Variants in DYNC1H1 observed in about 807,000 individuals in gnomAD.
DYNC1H1 encodes dynein cytoplasmic 1 heavy chain 1.
Under a neutral mutation model 527.1 loss-of-function variants are expected in DYNC1H1, and 51 were observed. The observed-to-expected ratio is 0.10, with a 90% confidence interval of 0.08 to 0.12. The LOEUF (loss-of-function observed/expected upper bound fraction) is 0.12, where lower values mean the gene tolerates loss of function less well. Ranked by LOEUF, DYNC1H1 falls within the 10% of genes least tolerant of loss-of-function variation. DYNC1H1 has a pLI of 1.00. For synonymous variants in DYNC1H1, 2,189 were observed against 2,278.8 expected (o/e 0.96, Z 1.12); for missense variants, 2,771 against 5,971.8 (o/e 0.46, Z 17.66).
At chr14:102,013,427 G>A (rs568765191) in intron 34 of DYNC1H1, among the ~76,000 whole-genome samples, 5 of 152,224 alleles carry the variant, frequency 3.3e-5, no homozygotes, top group African/African-American at 1.2e-4. Flanking sequence ...CGTAGTTTGA[G>A]CAGACACTTA....
At chr14:101,969,903 A>G (rs1186316903) in intron 1 of DYNC1H1, among the ~76,000 whole-genome samples, 1 of 152,254 alleles carries the variant, frequency 6.6e-6, no homozygotes, top group African/African-American at 2.4e-5. Flanking sequence ...GATTTAGCCC[A>G]GCCCTCATCT....
At position 102,011,596 on chromosome 14, in the gene DYNC1H1, T is replaced by C. The variant is rs1188611862; in HGVS notation, c.6619-279T>C. The C allele has an allele frequency of 2.2e-6, 1 of 446,014 alleles. No homozygotes were observed. The highest frequency in any genetic ancestry group is 4.6e-5 in the East Asian group (1 of 21,774). 27.6% of individuals were successfully genotyped at this position (446,014 alleles called of 1,614,324 possible). On this transcript the variant is annotated intron_variant, in intron 32 of 77. Coordinates refer to ENST00000360184, the MANE Select transcript of DYNC1H1 (RefSeq NM_001376.5). This position sits in a 1 kb window ranked among gnomAD's most constrained non-coding sequence, Gnocchi z 5.3. ...CATCTCTCCAGCTGGGGAGTTTCAG[T>C]ACTTGCCTTTAATAATCCATAGATA...
Position 102,012,211 on chromosome 14 carries a change from T to C in DYNC1H1, c.6857+98T>C. The C allele has an allele frequency of 6.2e-7, 1 of 1,612,030 alleles. No homozygotes were observed. Among genetic ancestry groups the C allele is most frequent in the Non-Finnish European group, 8.5e-7 (1 of 1,178,434 alleles). ...AGTATACGTTATTTTTCAACCAAAG[T>C]CTGAGCAAATTAAAGGTCATTTCAG... On this transcript the variant is annotated intron_variant, in intron 33 of 77. Coordinates refer to ENST00000360184, the MANE Select transcript of DYNC1H1 (RefSeq NM_001376.5). The surrounding 1 kb of genome is among the most constrained non-coding windows in gnomAD (Gnocchi z 4.9).
At position 102,033,564 on chromosome 14, in the gene DYNC1H1, C is replaced by T. The variant is rs2048534504; in HGVS notation, c.10413+80C>T. On this transcript the variant is annotated intron_variant, in intron 54 of 77. Coordinates refer to ENST00000360184, the MANE Select transcript of DYNC1H1 (RefSeq NM_001376.5). This position sits in a 1 kb window ranked among gnomAD's most constrained non-coding sequence, Gnocchi z 5.6. ...CACACTTCAACATGCGCTGCATGCA[C>T]CATGCTGGCCTCGGTGAATTCGCTC... is the stretch of plus-strand genomic sequence containing the variant. The T allele has an allele frequency of 3.9e-6, 6 of 1,553,228 alleles. No homozygotes were observed. In the African/African-American group the frequency reaches 6.8e-5, roughly 18 times the overall value.
chr14:102,047,693 T>G (rs1436470655), intron 72 of DYNC1H1, 124 bp from the exon 73 acceptor site: 1 of 917,748 alleles, frequency 1.1e-6, no homozygotes, highest in Non-Finnish European at 1.7e-6. Flanking sequence ...CTTCCAGATT[T>G]TGCTGCAGTT....
chr14:102,000,994 G>A lies in DYNC1H1; in HGVS notation c.4115G>A (p.Ser1372Asn). The change falls in exon 19 of 78, where the codon AGC (serine) becomes AAC (asparagine). Residue 1372 changes from serine to asparagine, a missense_variant. By Grantham distance (46) the Ser-to-Asn change is conservative. Transcript: ENST00000360184. ...GATGCCCTCCTGAACCAGCTGAAAA[G>A]CTTCCCTGCCCGGTTGCGACAGTAT... ...NLDALLNQLK[S>N]FPARLRQYAS... is the part of the protein sequence containing the mutation. The A allele has an allele frequency of 6.2e-7, 1 of 1,614,216 alleles. No homozygotes were observed. The highest frequency in any genetic ancestry group is 8.5e-7 in the Non-Finnish European group (1 of 1,180,044).
chr14:101,981,912 A>G (rs1384455266), intron 5 of DYNC1H1, among the ~76,000 whole-genome samples: 1 of 152,226 alleles, frequency 6.6e-6, no homozygotes, highest in Non-Finnish European at 1.5e-5. Context: ...GTTTTCAAGG[A>G]TAAAATTTTA....
intron 9 of DYNC1H1, 95 bp from the exon 10 acceptor site, chr14:101,988,608 T>C: frequency 1.3e-6 from 2 of 1,530,188 alleles, no homozygotes; most frequent in East Asian, 4.5e-5. Context: ...GAACTGTGTA[T>C]CTTTTATCTG....
At position 102,038,624 on chromosome 14, in the gene DYNC1H1, T is replaced by TC. The variant is rs777865098; in HGVS notation, c.11055+22dup. Reference sequence around the variant, plus strand: ...ATCCAACTGTAAGGAATGGGACCCTTCCCCAGGGAAATCTGGCAGGATGTG... The same window carrying TC: ...ATCCAACTGTAAGGAATGGGACCCTTCCCCCAGGGAAATCTGGCAGGATGTG... On this transcript the variant is annotated intron_variant, in intron 58 of 77. Transcript: ENST00000360184. This position sits in a 1 kb window ranked among gnomAD's most constrained non-coding sequence, Gnocchi z 7.2. The TC allele has an allele frequency of 6.7e-5, 108 of 1,614,194 alleles. 1 individual carries two copies. The South Asian group carries it at 1.2e-3, about 18-fold the overall frequency.
At chr14:102,019,844 T>C (rs752220511) in intron 41 of DYNC1H1, 49 bp from the exon 42 acceptor site, 1 of 1,611,434 alleles carries the variant, frequency 6.2e-7, no homozygotes, top group Non-Finnish European at 8.5e-7. Flanking sequence ...ACCACTTCTC[T>C]GTGTCTTAAG....
At chr14:101,980,091 C>T in intron 4 of DYNC1H1, 117 bp downstream of exon 4, 1 of 1,490,874 alleles carries the variant, frequency 6.7e-7, no homozygotes, top group East Asian at 2.4e-5. Context: ...GTGGTGCCGC[C>T]TCTTGGTCCT....
At chr14:102,009,771 G>C (rs2048237670) in intron 29 of DYNC1H1, 72 bp from the exon 30 acceptor site, 1 of 1,609,944 alleles carries the variant, frequency 6.2e-7, no homozygotes. Context: ...TGTTGTTTTA[G>C]AGACATTTTA....
Position 102,041,669 on chromosome 14 carries a change from C to T in DYNC1H1, c.12037C>T (p.Leu4013Phe), listed in dbSNP as rs756653612. The T allele has an allele frequency of 6.2e-7, 1 of 1,614,210 alleles. No individual in the cohort carries two copies. ...GGCCCACATGTTTGTTTCAACAAACCTTGGGGAGTCTTTCATGTCCATCAT... is the reference window on the plus strand; with the variant it reads ...GGCCCACATGTTTGTTTCAACAAACTTTGGGGAGTCTTTCATGTCCATCAT... ...AMAHMFVSTN[L>F]GESFMSIMEQ... The change falls in exon 65 of 78, where the codon CTT becomes TTT. Residue 4013 changes from leucine to phenylalanine, a missense_variant. Coordinates refer to ENST00000360184, the MANE Select transcript of DYNC1H1 (RefSeq NM_001376.5). This position sits in a 1 kb window ranked among gnomAD's most constrained non-coding sequence, Gnocchi z 4.5.
rs544455316 is a variant in DYNC1H1, at chr14:101,983,744, C to A, written c.1461+135C>A. 1 of 1,005,408 alleles carries A rather than the reference C, an allele frequency of 9.9e-7. No individual in the cohort carries two copies. The allele number at this position is 1,005,408 out of a possible 1,614,324, so 62.3% of individuals were successfully genotyped here. A position where few individuals can be genotyped will look rare whatever the true frequency, so the allele number is the denominator to read the frequency against. On this transcript the variant is annotated intron_variant, in intron 7 of 77. Transcript: ENST00000360184. The surrounding 1 kb of genome is among the most constrained non-coding windows in gnomAD (Gnocchi z 5.3). ...CCAGGCTGGAGTGCAATGGCATGAT[C>A]TTGGCTCACTGCAACCTCCGCCTTC...
In DYNC1H1 at chr14:101,984,188, C is replaced by T. The variant is rs186176066; in HGVS notation, c.1461+579C>T. Among the ~76,000 whole-genome samples the T allele has an allele frequency of 6.7e-5, 10 of 149,660 alleles. No individual in the cohort carries two copies. In the East Asian group the frequency reaches 2.0e-3, roughly 30 times the overall value. On this transcript the variant is annotated intron_variant, in intron 7 of 77. Coordinates refer to ENST00000360184, the MANE Select transcript of DYNC1H1 (RefSeq NM_001376.5). The stretch of plus-strand genomic sequence containing the variant: ...AGGGGGCTGTAGAGGAGGGGTCTCA[C>T]CATGTTGCCCAGGCTATTCTCGAAC...
At chr14:102,048,831 A>AG (rs2048763832) in intron 74 of DYNC1H1, 162 bp downstream of exon 74, 1 of 346,738 alleles carries the variant, frequency 2.9e-6, no homozygotes, top group African/African-American at 2.3e-5. Flanking sequence ...GGGGGAGGGG[A>AG]GGAGCTTAGA....
intron 1 of DYNC1H1, among the ~76,000 whole-genome samples, chr14:101,971,354 A>G (rs2141263952): frequency 6.6e-6 from 1 of 151,620 alleles, no homozygotes; most frequent in East Asian, 2.0e-4. Context: ...GATTACAGGC[A>G]TGAGCCACTG....
intron 10 of DYNC1H1, among the ~76,000 whole-genome samples, chr14:101,990,034 A>G (rs931277767): frequency 1.3e-5 from 2 of 152,244 alleles, no homozygotes; most frequent in African/African-American, 2.4e-5. Flanking sequence ...CGGCCATGCC[A>G]CATAGCCTAG....
At chr14:101,967,950 T>A (rs1179396409) in intron 1 of DYNC1H1, among the ~76,000 whole-genome samples, 1 of 152,242 alleles carries the variant, frequency 6.6e-6, no homozygotes, top group Non-Finnish European at 1.5e-5. Flanking sequence ...GCTCCTCATT[T>A]TAAAAAGAGA....
Sources: allele counts gnomAD v4.1 joint callset (sites outside exome capture counted in the v4.1 genomes callset), GRCh38; gene constraint gnomAD v4.1.1; non-coding constraint Gnocchi (gnomAD v3.1); transcripts MANE v1.5; gene names NCBI Gene and HGNC (gene_info 2026-07-23, HGNC 2026-07-21).